The following DENND5B variants were observed in gnomAD, a reference collection of about 807,000 sequenced individuals.
DENND5B encodes DENN domain-containing protein 5B.
In DENND5B, 34 loss-of-function variants were observed where a neutral mutation model predicts 140.6. That is an observed-to-expected ratio of 0.24 (90% CI 0.18 to 0.32). The LOEUF (loss-of-function observed/expected upper bound fraction) is 0.32, where lower values mean the gene tolerates loss of function less well. DENND5B is among the 10% of genes least tolerant of loss of function. The pLI is 1.00. For synonymous variants in DENND5B, 551 were observed against 562.1 expected (o/e 0.98, Z 0.28); for missense variants, 1,142 against 1,560.2 (o/e 0.73, Z 4.52).
chr12:31,554,737 C>G (rs1026195992), intron 1 of DENND5B, among the ~76,000 whole-genome samples: 2 of 152,192 alleles, frequency 1.3e-5, no homozygotes, highest in Non-Finnish European at 2.9e-5. Context: ...TCCCATATTT[C>G]TTGGAGGCTT....
chr12:31,392,155 A>T, intron 19 of DENND5B, 112 bp downstream of exon 19: 1 of 1,148,980 alleles, frequency 8.7e-7, no homozygotes, highest in Non-Finnish European at 1.1e-6. Flanking sequence ...AAAAAAAGAA[A>T]AAAAATATAT....
chr12:31,510,991 G>T (rs1400940022), intron 1 of DENND5B, among the ~76,000 whole-genome samples: 3 of 152,160 alleles, frequency 2.0e-5, no homozygotes, highest in African/African-American at 7.2e-5. Flanking sequence ...AACATTTTGG[G>T]AGGTCAAGGC....
At chr12:31,536,858 T>G (rs1948513550) in intron 1 of DENND5B, among the ~76,000 whole-genome samples, 1 of 152,040 alleles carries the variant, frequency 6.6e-6, no homozygotes, top group Non-Finnish European at 1.5e-5. Flanking sequence ...AATATACAAC[T>G]GAACTCCAAT....
intron 3 of DENND5B, among the ~76,000 whole-genome samples, chr12:31,470,132 T>G (rs1335254481): frequency 6.8e-6 from 1 of 147,764 alleles, no homozygotes; most frequent in African/African-American, 2.5e-5. Context: ...TTTTTTTCTT[T>G]GGAGATGGAG....
chr12:31,573,841 C>T (rs773401487), intron 1 of DENND5B, among the ~76,000 whole-genome samples: 1 of 152,120 alleles, frequency 6.6e-6, no homozygotes, highest in Non-Finnish European at 1.5e-5. Flanking sequence ...TTAGTCCCAG[C>T]TATCCCAGGA....
Position 31,389,920 on chromosome 12 carries a change from C to T in DENND5B, c.3467-422G>A, listed in dbSNP as rs77654008. Among the ~76,000 whole-genome samples, 1,444 of 151,868 alleles carry T rather than the reference C, an allele frequency of 9.5e-3. 24 individuals carry two copies. The highest frequency in any genetic ancestry group is 0.033 in the African/African-American group (1,368 of 41,392). On this transcript the variant is annotated intron_variant, in intron 19 of 20. Coordinates refer to ENST00000389082, the MANE Select transcript of DENND5B (RefSeq NM_144973.4). ...TTGCAACAAGATCCTTGAAATGTAC[C>T]TGAATAAGTACCTGACAAAGAGAGA...
intron 1 of DENND5B, among the ~76,000 whole-genome samples, chr12:31,574,931 T>C (rs1159776134): frequency 6.6e-6 from 1 of 152,178 alleles, no homozygotes; most frequent in Non-Finnish European, 1.5e-5. Flanking sequence ...AATAACCTAT[T>C]TTCACATAGT....
At chr12:31,408,621 T>C (rs1392837887) in intron 14 of DENND5B, among the ~76,000 whole-genome samples, 35 of 51,758 alleles carry the variant, frequency 6.8e-4, no homozygotes, top group Non-Finnish European at 1.2e-3. Flanking sequence ...AGTGAGACTC[T>C]ATCAAAAAAA....
chr12:31,439,304 T>G (rs568841252), intron 7 of DENND5B, among the ~76,000 whole-genome samples: 2 of 152,170 alleles, frequency 1.3e-5, no homozygotes, highest in African/African-American at 4.8e-5. Context: ...GAAAACGTAA[T>G]GACTGAGGCT....
rs1028508600 is a variant in DENND5B, at chr12:31,540,737, G to A, written c.128-44818C>T. ...TTTACATGGAACCACAAAAGACCCAGAATAGCCAAAGCTATCCTGAGGAAA... is the reference window on the plus strand; with the variant it reads ...TTTACATGGAACCACAAAAGACCCAAAATAGCCAAAGCTATCCTGAGGAAA... On this transcript the variant is annotated intron_variant, in intron 1 of 20. Coordinates refer to ENST00000389082, the MANE Select transcript of DENND5B (RefSeq NM_144973.4). 7.2e-5 allele frequency among the ~76,000 whole-genome samples: 10 copies of A among 139,082 alleles called. No individual in the cohort carries two copies. In the South Asian group the frequency reaches 1.1e-3, roughly 16 times the overall value. 91.2% of individuals were successfully genotyped at this position (139,082 alleles called of 152,430 possible).
At chr12:31,555,747 T>C (rs1432863907) in intron 1 of DENND5B, among the ~76,000 whole-genome samples, 1 of 152,194 alleles carries the variant, frequency 6.6e-6, no homozygotes, top group African/African-American at 2.4e-5. Context: ...AACAACTAAC[T>C]TGGCAATGAC....
intron 8 of DENND5B, chr12:31,432,927 C>T: frequency 2.1e-6 from 1 of 470,204 alleles, no homozygotes; most frequent in South Asian, 3.1e-5. Flanking sequence ...ATGTAATACA[C>T]AGAAAGACTT....
chr12:31,447,781 T>C lies in DENND5B; in HGVS notation c.1630-12A>G, dbSNP rs767765878. ...GACAGAAAGGAAGCCTGTAATGAGA[T>C]AATTAGGAAATTATTAGTGCAAAGA... On this transcript the variant is annotated splice_polypyrimidine_tract_variant and intron_variant, in intron 5 of 20. Transcript: ENST00000389082. The C allele has an allele frequency of 4.5e-6, 7 of 1,554,388 alleles. No individual in the cohort carries two copies. In the South Asian group the frequency reaches 7.0e-5, roughly 16 times the overall value.
chr12:31,409,157 G>T, intron 14 of DENND5B, 106 bp downstream of exon 14: 1 of 1,203,252 alleles, frequency 8.3e-7, no homozygotes, highest in Non-Finnish European at 1.1e-6. Flanking sequence ...CTGGGCGTAT[G>T]TCACAATGTC....
intron 1 of DENND5B, chr12:31,534,943 G>A (rs776824772): frequency 2.8e-5 from 8 of 289,114 alleles, no homozygotes; most frequent in African/African-American, 7.0e-5. Context: ...GTGTGGCGGC[G>A]TGTGCCTGTA....
intron 17 of DENND5B, among the ~76,000 whole-genome samples, chr12:31,394,850 T>C (rs1941349675): frequency 6.6e-6 from 1 of 152,130 alleles, no homozygotes; most frequent in Admixed American, 6.5e-5. Context: ...GCTGACCTTG[T>C]GATCCGCCCG....
chr12:31,470,117 TTTTTTTTTTTTC>T (rs1446454554), intron 3 of DENND5B, among the ~76,000 whole-genome samples: 2 of 144,470 alleles, frequency 1.4e-5, no homozygotes, highest in African/African-American at 5.3e-5. Flanking sequence ...CTGGCTTTTT[TTTTTTTTTTTTC>T]TTTGGAGATG....
intron 14 of DENND5B, 81 bp downstream of exon 14, chr12:31,409,182 A>AT (rs1478394799): frequency 7.0e-5 from 98 of 1,397,280 alleles, no homozygotes; most frequent in Non-Finnish European, 8.6e-5. Context: ...GTACTATGGC[A>AT]TATCTTGCTT....
chr12:31,544,009 CA>C lies in DENND5B; in HGVS notation c.127+46696del, dbSNP rs1948771633. Among the ~76,000 whole-genome samples, 4 of 152,172 alleles carry C rather than the reference CA, an allele frequency of 2.6e-5. No individual in the cohort carries two copies. In the South Asian group the frequency reaches 8.3e-4, roughly 32 times the overall value. ...TGAAAACCTGTCTCTACTAAAAATA[CA>C]AAAACTAGTCAGGCATGGTGGCACA... On this transcript the variant is annotated intron_variant, in intron 1 of 20. Coordinates refer to ENST00000389082, the MANE Select transcript of DENND5B (RefSeq NM_144973.4).
Sources: allele counts gnomAD v4.1 joint callset (sites outside exome capture counted in the v4.1 genomes callset), GRCh38; gene constraint gnomAD v4.1.1; transcripts MANE v1.5; gene names NCBI Gene and HGNC (gene_info 2026-07-23, HGNC 2026-07-21).